The following SYNE1 variants were observed in gnomAD, a reference collection of about 807,000 sequenced individuals.
SYNE1 encodes the protein spectrin repeat containing nuclear envelope protein 1.
In SYNE1, 616 loss-of-function variants were observed where a neutral mutation model predicts 1,111.0. That is an observed-to-expected ratio of 0.55 (90% confidence interval 0.52 to 0.59). The LOEUF (loss-of-function observed/expected upper bound fraction) is 0.59, where lower values mean the gene tolerates loss of function less well. Among genes scored for constraint, SYNE1 ranks in the 20% least tolerant of loss-of-function variants. The probability of loss-of-function intolerance (pLI) is 0.00; values close to 1 mark genes in which losing one functional copy is unlikely to be tolerated. For missense variants in SYNE1, 10,006 were observed against 10,417.0 expected (o/e 0.96, Z 1.72); for synonymous variants, 3,855 against 3,825.8 (o/e 1.01, Z -0.28).
intron 127 of SYNE1, among the ~76,000 whole-genome samples, chr6:152,193,127 A>G (rs1049217277): frequency 6.6e-6 from 1 of 151,988 alleles, no homozygotes; most frequent in African/African-American, 2.4e-5. Flanking sequence ...GGTTGTTTAT[A>G]TGGTCTTCTC....
At chr6:152,509,617 T>C (rs1012022911) in intron 8 of SYNE1, among the ~76,000 whole-genome samples, 6 of 152,102 alleles carry the variant, frequency 3.9e-5, no homozygotes, top group Admixed American at 1.3e-4. Context: ...AAATTTATTA[T>C]GCCTAGAGGA....
intron 5 of SYNE1, among the ~76,000 whole-genome samples, chr6:152,521,984 T>C (rs2099142105): frequency 6.6e-6 from 1 of 152,148 alleles, no homozygotes; most frequent in African/African-American, 2.4e-5. Context: ...TGTCAGTAGG[T>C]CCTTAATTCA....
Position 152,381,185 on chromosome 6 carries a change from A to G in SYNE1, c.8830T>C (p.Leu2944=). 6.2e-7 allele frequency: 1 copy of G among 1,614,232 alleles called. No individual in the cohort carries two copies. Among genetic ancestry groups the G allele is most frequent in the Non-Finnish European group, 8.5e-7 (1 of 1,180,036 alleles). Residue 2944 remains leucine, a synonymous_variant, in exon 56 of 146, where the codon TTG becomes CTG. Transcript: ENST00000367255. ...GCCATCTGGCTGACCAGGTTCTCCAAACAGCTCTGCGTTTGGAATACACTG... is the reference window on the plus strand; with the variant it reads ...GCCATCTGGCTGACCAGGTTCTCCAGACAGCTCTGCGTTTGGAATACACTG... The part of the protein sequence containing the change: ...EDSVFQTQSC[L]ENLVSQMALS...
intron 128 of SYNE1, 93 bp from the exon 129 acceptor site, chr6:152,180,387 A>C: frequency 8.2e-7 from 1 of 1,223,498 alleles, no homozygotes; most frequent in Non-Finnish European, 1.2e-6. Flanking sequence ...GACTAAAATG[A>C]ATGATAGTCA....
chr6:152,432,821 C>A (rs1174553437), intron 34 of SYNE1, among the ~76,000 whole-genome samples: 1 of 152,002 alleles, frequency 6.6e-6, no homozygotes, highest in African/African-American at 2.4e-5. Flanking sequence ...AATGAATATT[C>A]TTCCATGGCC....
intron 127 of SYNE1, among the ~76,000 whole-genome samples, chr6:152,197,153 G>T (rs2074321915): frequency 6.6e-6 from 1 of 152,308 alleles, no homozygotes; most frequent in South Asian, 2.1e-4. Context: ...AGAAGAGGTG[G>T]TGTGGGCAAT....
chr6:152,510,972 G>C (rs1337166809), intron 7 of SYNE1, 39 bp downstream of exon 7: 1 of 1,563,680 alleles, frequency 6.4e-7, no homozygotes, highest in South Asian at 1.1e-5. Flanking sequence ...CTCCCTCTGA[G>C]ACATTGCATC....
intron 11 of SYNE1, among the ~76,000 whole-genome samples, chr6:152,493,455 T>G (rs1409734559): frequency 6.6e-6 from 1 of 152,200 alleles, no homozygotes. Context: ...GCAACTTACC[T>G]GGGCTGTACT....
intron 105 of SYNE1, among the ~76,000 whole-genome samples, chr6:152,247,898 T>C (rs1045064229): frequency 2.0e-5 from 3 of 151,212 alleles, no homozygotes; most frequent in African/African-American, 7.3e-5. Context: ...ACATATTATA[T>C]GTCAGATTAT....
chr6:152,257,930 A>G (rs2091222160), intron 101 of SYNE1, among the ~76,000 whole-genome samples: 1 of 152,194 alleles, frequency 6.6e-6, no homozygotes, highest in South Asian at 2.1e-4. Flanking sequence ...GTGTTACAGG[A>G]AAAATATGAT....
rs553594645 is a variant in SYNE1, at chr6:152,499,066, A to AT, written c.889-275dup. On this transcript the variant is annotated intron_variant, in intron 10 of 145. Coordinates refer to ENST00000367255, the MANE Select transcript of SYNE1 (RefSeq NM_182961.4). ...TTTTGTAAACATATCTCGAAATAAC[A>AT]TTAAATATTTTAGAAGGTAAACTAT... 6.0e-4 allele frequency among the ~76,000 whole-genome samples: 91 copies of AT among 152,270 alleles called. 2 individuals carry two copies. Among genetic ancestry groups the AT allele is most frequent in the African/African-American group, 2.1e-3 (87 of 41,584 alleles).
Position 152,132,215 on chromosome 6 carries a change from C to T in SYNE1, c.26002-1G>A. The T allele has an allele frequency of 6.2e-7, 1 of 1,613,980 alleles. No individual in the cohort carries two copies. Among genetic ancestry groups the T allele is most frequent in the Non-Finnish European group, 8.5e-7 (1 of 1,179,900 alleles). On this transcript the variant is annotated splice_acceptor_variant, in intron 143 of 145. Transcript: ENST00000367255. LOFTEE classifies it high-confidence loss of function. The stretch of plus-strand genomic sequence containing the variant: ...CAGCAGAAGACCAGGAAGACAAATC[C>T]TATGTGGGAGAAAGATTCTTTTAAC...
At chr6:152,544,242 T>C (rs2099293538) in intron 3 of SYNE1, among the ~76,000 whole-genome samples, 1 of 152,142 alleles carries the variant, frequency 6.6e-6, no homozygotes, top group Non-Finnish European at 1.5e-5. Context: ...TGTGATAGGC[T>C]CTGATTTAAG....
chr6:152,410,970 T>C (rs1478616789), intron 42 of SYNE1, among the ~76,000 whole-genome samples: 2 of 152,214 alleles, frequency 1.3e-5, no homozygotes, highest in Admixed American at 6.5e-5. Context: ...AATCACAATG[T>C]AGGATAATGT....
At chr6:152,238,741 C>T (rs1378890466) in intron 108 of SYNE1, among the ~76,000 whole-genome samples, 2 of 152,060 alleles carry the variant, frequency 1.3e-5, no homozygotes, top group African/African-American at 4.8e-5. Context: ...TTTAGGGCAA[C>T]TGGTACAGTT....
At chr6:152,187,676 T>C (rs2070599738) in intron 128 of SYNE1, among the ~76,000 whole-genome samples, 1 of 152,154 alleles carries the variant, frequency 6.6e-6, no homozygotes. Flanking sequence ...CTTTATTCCT[T>C]GCCATCCACA....
rs2096588535 is a variant in SYNE1 at position 152,344,092 on chromosome 6, C to T, written c.12214G>A (p.Ala4072Thr). ...SPQPPLSRAE[A>T]IKQVKHFRAL... ...CAGGAGTTTACTACCTGCTTAATGG[C>T]TTCTGCCCTACTAAGAGGTGGTTGA... is the stretch of plus-strand genomic sequence containing the variant. Residue 4072 changes from alanine to threonine, a missense_variant, in exon 74 of 146, where the codon GCC becomes ACC. Ala to Thr is a moderately conservative substitution (Grantham distance 58). This residue lies in a region of SYNE1 where 4,955 missense variants were observed against 5,017.2 expected (regional missense o/e 0.99). Transcript: ENST00000367255. The T allele has an allele frequency of 1.9e-6, 3 of 1,614,090 alleles. No homozygotes were observed. The South Asian group carries it at 3.3e-5, about 18-fold the overall frequency.
chr6:152,352,385 G>A (rs773622645), intron 69 of SYNE1, 32 bp from the exon 70 acceptor site: 47 of 1,592,538 alleles, frequency 3.0e-5, no homozygotes, highest in Non-Finnish European at 3.9e-5. Context: ...AGCAAAGGTA[G>A]TCTTGTTTCT....
At chr6:152,480,897 TG>T (rs1304651094) in intron 14 of SYNE1, 1 of 430,532 alleles carries the variant, frequency 2.3e-6, no homozygotes, top group East Asian at 7.0e-5. Flanking sequence ...TTCTATGCTT[TG>T]TTCACTAGAC....
Sources: gnomAD v4.1 joint callset for allele counts (sites outside exome capture counted in the v4.1 genomes callset) on GRCh38, gnomAD v4.1.1 for gene constraint, gnomAD v4.1.1 regional missense constraint, MANE v1.5 for transcripts, NCBI Gene and HGNC (gene_info 2026-07-23, HGNC 2026-07-21) for gene names.